Variants in EPHA3 observed in about 807,000 individuals in gnomAD.
EPHA3 encodes the protein EPH receptor A3.
Under a neutral mutation model 107.1 loss-of-function variants are expected in EPHA3, and 42 were observed. The observed-to-expected ratio is 0.39, with a 90% CI of 0.31 to 0.51. The LOEUF (loss-of-function observed/expected upper bound fraction) is 0.51, where lower values mean the gene tolerates loss of function less well. Ranked by LOEUF, EPHA3 falls within the 20% of genes least tolerant of loss-of-function variation. The pLI, the probability that EPHA3 is intolerant of heterozygous loss-of-function variation, is 0.78. For synonymous variants in EPHA3, 461 were observed against 424.8 expected, an observed-to-expected ratio of 1.09 and a Z score of -1.05; for missense variants, 1,183 against 1,211.2, an observed-to-expected ratio of 0.98 and a Z score of 0.35.
chr3:89,377,988 T>G (rs1708433035), intron 5 of EPHA3, among the ~76,000 whole-genome samples: 1 of 152,074 alleles, frequency 6.6e-6, no homozygotes, highest in Non-Finnish European at 1.5e-5. Flanking sequence ...TTATTCTTTT[T>G]TAAAACTAAG....
chr3:89,435,712 A>C (rs1435718389), intron 13 of EPHA3, among the ~76,000 whole-genome samples: 2 of 149,410 alleles, frequency 1.3e-5, no homozygotes, highest in Non-Finnish European at 3.0e-5. Context: ...CAGCACTTTG[A>C]GAGGCTAAAG....
chr3:89,237,802 C>CA (rs1372443116), intron 3 of EPHA3, among the ~76,000 whole-genome samples: 3 of 151,744 alleles, frequency 2.0e-5, no homozygotes, highest in East Asian at 1.9e-4. Context: ...CCTTTCTCTA[C>CA]AAAAAATAAA....
chr3:89,450,363 G>A lies in EPHA3; in HGVS notation c.2683G>A (p.Ala895Thr), dbSNP rs1029253151. ...CAGCCTGAAGATCATCACCAGTGCA[G>A]CCGCAAGGTGACACATTCAATTTGT... ...PGSLKIITSA[A>T]ARPSNLLLDQ... Residue 895 changes from alanine (A) to threonine (T), a missense_variant, in exon 15 of 17, where the codon GCC becomes ACC. By Grantham distance (58) the Ala-to-Thr change is moderately conservative. Transcript: ENST00000336596. 3 of 1,610,412 alleles carry A rather than the reference G, an allele frequency of 1.9e-6. No homozygotes were observed. Among genetic ancestry groups the A allele is most frequent in the African/African-American group, 2.7e-5 (2 of 74,826 alleles).
intron 3 of EPHA3, among the ~76,000 whole-genome samples, chr3:89,243,865 C>T (rs6771336): frequency 0.51 from 78,069 of 151,902 alleles, 21,458 homozygotes; most frequent in African/African-American, 0.72. Flanking sequence ...AAACGTTATC[C>T]CACTGCCAGG....
chr3:89,214,895 T>G (rs1326844136), intron 3 of EPHA3, among the ~76,000 whole-genome samples: 1 of 151,936 alleles, frequency 6.6e-6, no homozygotes, highest in Non-Finnish European at 1.5e-5. Flanking sequence ...ACAACTGCAA[T>G]GCAAAAATAA....
At chr3:89,193,857 T>C (rs1705776046) in intron 2 of EPHA3, among the ~76,000 whole-genome samples, 1 of 152,046 alleles carries the variant, frequency 6.6e-6, no homozygotes, top group Non-Finnish European at 1.5e-5. Flanking sequence ...ATATGAATAG[T>C]ATTGAACCAT....
At chr3:89,150,137 A>T (rs963177913) in intron 2 of EPHA3, among the ~76,000 whole-genome samples, 1 of 151,968 alleles carries the variant, frequency 6.6e-6, no homozygotes, top group Non-Finnish European at 1.5e-5. Flanking sequence ...TATTGATTTC[A>T]TGCTAATGAC....
intron 2 of EPHA3, among the ~76,000 whole-genome samples, chr3:89,175,364 G>A (rs1055409512): frequency 5.5e-4 from 84 of 151,990 alleles, no homozygotes; most frequent in African/African-American, 1.8e-3. Flanking sequence ...TACCCAGATT[G>A]CAAGATCCTT....
rs374154796 is a variant in EPHA3, at chr3:89,254,580, C to T, written c.814+44060C>T. Among the ~76,000 whole-genome samples, 206 of 152,264 alleles carry T rather than the reference C, an allele frequency of 1.4e-3. 1 individual carries two copies. Among genetic ancestry groups the T allele is most frequent in the African/African-American group, 4.8e-3 (200 of 41,556 alleles). On this transcript the variant is annotated intron_variant, in intron 3 of 16. Transcript: ENST00000336596. ...CTCTGTCGAATTGTACTCAGCTAAT[C>T]CAGTCACATTTAGGTCTGGTCAAGA...
At chr3:89,476,046 C>A (rs1451236675) in intron 16 of EPHA3, among the ~76,000 whole-genome samples, 5 of 149,256 alleles carry the variant, frequency 3.3e-5, no homozygotes, top group Non-Finnish European at 5.9e-5. Context: ...TTTCAAAAGT[C>A]CAATATAATC....
chr3:89,362,179 A>G lies in EPHA3; in HGVS notation c.1306+20089A>G, dbSNP rs1488574208. Among the ~76,000 whole-genome samples, 3 of 150,618 alleles carry G rather than the reference A, an allele frequency of 2.0e-5. 1 individual carries two copies. In the East Asian group the frequency reaches 6.6e-4, roughly 33 times the overall value. ...TCTTCTTCAAGCGCAAGTAGCTGCT[A>G]TTAATCCAGAAGATCTTCATTTCTT... On this transcript the variant is annotated intron_variant, in intron 5 of 16. Transcript: ENST00000336596.
intron 3 of EPHA3, among the ~76,000 whole-genome samples, chr3:89,315,320 C>G (rs1013188184): frequency 1.3e-5 from 2 of 151,602 alleles, no homozygotes; most frequent in African/African-American, 4.8e-5. Flanking sequence ...GTGAATAGAA[C>G]AGCAGTTAAG....
intron 3 of EPHA3, among the ~76,000 whole-genome samples, chr3:89,322,558 G>A (rs1254325824): frequency 6.6e-6 from 1 of 152,114 alleles, no homozygotes; most frequent in Non-Finnish European, 1.5e-5. Context: ...TTCCAAAAGT[G>A]AGGACGAGAT....
chr3:89,268,063 C>CT (rs1251645105), intron 3 of EPHA3, among the ~76,000 whole-genome samples: 1 of 151,988 alleles, frequency 6.6e-6, no homozygotes, highest in Non-Finnish European at 1.5e-5. Flanking sequence ...TTCCTAATAG[C>CT]TAGGATGGGC....
At chr3:89,153,943 G>C (rs922522423) in intron 2 of EPHA3, among the ~76,000 whole-genome samples, 1 of 152,002 alleles carries the variant, frequency 6.6e-6, no homozygotes, top group Non-Finnish European at 1.5e-5. Flanking sequence ...TGTCCACGGT[G>C]TCTATGAACA....
Position 89,395,842 on chromosome 3 carries a change from T to A in EPHA3, c.1312T>A (p.Ser438Thr). ...CTCCCATCCTCTCTTTACAGCTCCATCACCTGTCCTGACGATTAAGAAAGA... is the reference window on the plus strand; with the variant it reads ...CTCCCATCCTCTCTTTACAGCTCCAACACCTGTCCTGACGATTAAGAAAGA... ...VSITTNQAAP[S>T]PVLTIKKDRT... The change falls in exon 6 of 17, where the codon TCA becomes ACA. Residue 438 changes from serine to threonine, a missense_variant. By Grantham distance (58) the Ser-to-Thr change is moderately conservative. Coordinates refer to ENST00000336596, the MANE Select transcript of EPHA3 (RefSeq NM_005233.6). The A allele has an allele frequency of 6.2e-7, 1 of 1,613,878 alleles. No individual in the cohort carries two copies. The highest frequency in any genetic ancestry group is 8.5e-7 in the Non-Finnish European group (1 of 1,179,854).
At chr3:89,206,885 A>G (rs1044429716) in intron 2 of EPHA3, among the ~76,000 whole-genome samples, 2 of 152,136 alleles carry the variant, frequency 1.3e-5, no homozygotes, top group African/African-American at 4.8e-5. Context: ...TGTATCTTGT[A>G]TATTACTTCT....
At chr3:89,336,431 G>A (rs1707394377) in intron 3 of EPHA3, among the ~76,000 whole-genome samples, 1 of 152,232 alleles carries the variant, frequency 6.6e-6, no homozygotes, top group South Asian at 2.1e-4. Context: ...AGGTAATTGA[G>A]CACAAGTTGA....
intron 3 of EPHA3, among the ~76,000 whole-genome samples, chr3:89,328,892 C>G (rs9310119): frequency 0.46 from 70,466 of 151,776 alleles, 16,656 homozygotes; most frequent in African/African-American, 0.52. Context: ...CCAGGTACAT[C>G]GTTCTGGAAA....
Sources: allele counts gnomAD v4.1 joint callset (sites outside exome capture counted in the v4.1 genomes callset), GRCh38; gene constraint gnomAD v4.1.1; transcripts MANE v1.5; gene names NCBI Gene and HGNC (gene_info 2026-07-23, HGNC 2026-07-21).